The following NOTCH2 variants were observed in gnomAD, a reference collection of about 807,000 sequenced individuals.
The protein encoded by NOTCH2 is neurogenic locus notch homolog protein 2.
In NOTCH2, 29 loss-of-function variants were observed where a neutral mutation model predicts 235.8. The observed-to-expected ratio is 0.12, with a 90% confidence interval of 0.09 to 0.17. NOTCH2 has a LOEUF of 0.17. NOTCH2 is among the 10% of genes least tolerant of loss of function. The pLI is 1.00. For synonymous variants in NOTCH2, 1,086 were observed against 1,141.5 expected (o/e 0.95, Z 0.98); for missense variants, 2,285 against 3,150.2 (o/e 0.73, Z 6.57).
intron 13 of NOTCH2, 31 bp from the exon 14 acceptor site, chr1:119,953,719 A>C: frequency 6.2e-7 from 1 of 1,602,444 alleles, no homozygotes; most frequent in Non-Finnish European, 8.6e-7. Flanking sequence ...TTACTATAGG[A>C]GGTATAAACG....
chr1:120,026,441 A>T (rs113618997), intron 2 of NOTCH2, among the ~76,000 whole-genome samples: 1 of 149,354 alleles, frequency 6.7e-6, no homozygotes, highest in Non-Finnish European at 1.5e-5. Flanking sequence ...TAGAATTTTT[A>T]TAAATCTTCT....
chr1:119,932,547 A>G (rs587759868), intron 22 of NOTCH2, among the ~76,000 whole-genome samples: 1 of 152,232 alleles, frequency 6.6e-6, no homozygotes, highest in Non-Finnish European at 1.5e-5. Flanking sequence ...AGATCATACC[A>G]TTGCACTCCA....
intron 33 of NOTCH2, 56 bp from the exon 34 acceptor site, chr1:119,916,750 AG>A: frequency 6.4e-7 from 1 of 1,555,556 alleles, no homozygotes; most frequent in Non-Finnish European, 8.8e-7. Flanking sequence ...AGAATATAGC[AG>A]TTTTTCTCAA....
At chr1:119,950,371 A>G (rs751654260) in intron 15 of NOTCH2, 8 of 406,124 alleles carry the variant, frequency 2.0e-5, no homozygotes, top group African/African-American at 8.3e-5. Flanking sequence ...TAAATTACCA[A>G]TAAGTGGTAG....
At chr1:120,000,398 G>A (rs1482668525) in intron 3 of NOTCH2, among the ~76,000 whole-genome samples, 1 of 151,088 alleles carries the variant, frequency 6.6e-6, no homozygotes, top group African/African-American at 2.4e-5. Context: ...GCCGGGCATG[G>A]CGGTAGGTGC....
intron 2 of NOTCH2, among the ~76,000 whole-genome samples, chr1:120,018,683 ATATT>A (rs1553208498): frequency 6.6e-6 from 1 of 151,912 alleles, no homozygotes; most frequent in African/African-American, 2.4e-5. Context: ...AAGGAACAAT[ATATT>A]TAAATAAGAT....
At chr1:119,920,934 C>A (rs968528285) in intron 29 of NOTCH2, among the ~76,000 whole-genome samples, 1 of 152,188 alleles carries the variant, frequency 6.6e-6, no homozygotes, top group Non-Finnish European at 1.5e-5. Context: ...AATTTAAAAG[C>A]AGCTACCCTT....
intron 29 of NOTCH2, among the ~76,000 whole-genome samples, chr1:119,920,781 TA>T (rs1420544475): frequency 6.6e-6 from 1 of 152,240 alleles, no homozygotes; most frequent in Admixed American, 6.5e-5. Flanking sequence ...TACACAGCAC[TA>T]CATGGCCATC....
chr1:119,936,771 T>C (rs1649864168), intron 21 of NOTCH2, among the ~76,000 whole-genome samples: 1 of 152,230 alleles, frequency 6.6e-6, no homozygotes, highest in Non-Finnish European at 1.5e-5. Flanking sequence ...ATTAAAATAG[T>C]GACATGTACC....
At chr1:119,928,939 C>T (rs1557808355) in intron 23 of NOTCH2, 37 bp downstream of exon 23, 1 of 1,577,936 alleles carries the variant, frequency 6.3e-7, no homozygotes, top group Non-Finnish European at 8.7e-7. Flanking sequence ...AACCATCCTC[C>T]AAGGCAGAGT....
intron 5 of NOTCH2, among the ~76,000 whole-genome samples, chr1:119,975,116 G>T (rs1651521287): frequency 6.6e-6 from 1 of 152,204 alleles, no homozygotes; most frequent in African/African-American, 2.4e-5. Flanking sequence ...TTTGGGGTGT[G>T]AGATTGCTGC....
In NOTCH2 at chr1:119,965,423, CAAGGAGA is replaced by C. The variant is rs781929840; in HGVS notation, c.1681+23_1681+29del. 13 of 1,537,254 alleles carry C rather than the reference CAAGGAGA, an allele frequency of 8.5e-6. No individual in the cohort carries two copies. The African/African-American group carries it at 1.8e-4, about 21-fold the overall frequency. On this transcript the variant is annotated intron_variant, in intron 10 of 33. Coordinates refer to ENST00000256646, the MANE Select transcript of NOTCH2 (RefSeq NM_024408.4). ...CCCTATTTTGTTCAGATGGACCTACCAAGGAGATGAAAAGTGAGAAGAATCTTACCTG... is the reference window on the plus strand; with the variant it reads ...CCCTATTTTGTTCAGATGGACCTACCTGAAAAGTGAGAAGAATCTTACCTG...
intron 23 of NOTCH2, 125 bp from the exon 24 acceptor site, chr1:119,926,736 G>T: frequency 6.6e-6 from 5 of 758,556 alleles, no homozygotes; most frequent in Non-Finnish European, 9.3e-6. Flanking sequence ...TCAGTTCTAG[G>T]CCTGTGGTAA....
intron 13 of NOTCH2, 100 bp from the exon 14 acceptor site, chr1:119,953,788 T>C: frequency 9.9e-7 from 1 of 1,013,772 alleles, no homozygotes; most frequent in Admixed American, 1.7e-5. Context: ...TAAACTGATC[T>C]CATTTCTACT....
At chr1:120,048,253 A>G (rs1654876654) in intron 1 of NOTCH2, among the ~76,000 whole-genome samples, 1 of 139,482 alleles carries the variant, frequency 7.2e-6, no homozygotes, top group African/African-American at 2.9e-5. Context: ...CAAAAACAAA[A>G]ATTTCAAGAA....
At chr1:119,977,068 A>G (rs1385961115) in intron 5 of NOTCH2, among the ~76,000 whole-genome samples, 2 of 152,136 alleles carry the variant, frequency 1.3e-5, no homozygotes, top group African/African-American at 4.8e-5. Flanking sequence ...CTAGACTGTC[A>G]GTGCCATGAA....
At chr1:120,067,343 C>T (rs1194917500) in intron 1 of NOTCH2, among the ~76,000 whole-genome samples, 5 of 150,824 alleles carry the variant, frequency 3.3e-5, no homozygotes, top group African/African-American at 1.2e-4. Flanking sequence ...TTGACTAACA[C>T]TCAACTTGAC....
chr1:119,949,214 G>C, intron 15 of NOTCH2, 88 bp from the exon 16 acceptor site: 2 of 1,382,798 alleles, frequency 1.4e-6, no homozygotes, highest in South Asian at 1.2e-5. Context: ...CTGAATTCAA[G>C]TCAAAAGTCC....
chr1:119,922,493 T>G, intron 27 of NOTCH2, 47 bp from the exon 28 acceptor site: 1 of 1,593,702 alleles, frequency 6.3e-7, no homozygotes, highest in South Asian at 1.1e-5. Context: ...AACATTAACC[T>G]CTCAATGTCA....
Sources: allele counts gnomAD v4.1 joint callset (sites outside exome capture counted in the v4.1 genomes callset), GRCh38; gene constraint gnomAD v4.1.1; transcripts MANE v1.5; gene names NCBI Gene and HGNC (gene_info 2026-07-23, HGNC 2026-07-21).